The following THSD7B variants were observed in gnomAD, a reference collection of about 807,000 sequenced individuals.
The protein encoded by THSD7B is thrombospondin type-1 domain-containing protein 7B.
In THSD7B, 138 loss-of-function variants were observed where a neutral mutation model predicts 213.6. The ratio of observed to expected loss-of-function variants is 0.65; its 90% confidence interval spans 0.56 to 0.74. The LOEUF is 0.74. Among genes scored for constraint, THSD7B ranks in the 30% least tolerant of loss-of-function variants. THSD7B has a pLI of 0.00. For missense variants in THSD7B, 1,931 were observed against 1,991.5 expected (o/e 0.97, Z 0.58); for synonymous variants, 742 against 687.0 (o/e 1.08, Z -1.25).
At position 137,674,881 on chromosome 2, in the gene THSD7B, T is replaced by TTTAA. The variant is rs569186178; in HGVS notation, c.4740-1640_4740-1637dup. ...TTTTAGGGTTTCTGCCAAAACCATT[T>TTTAA]TTAATTTATTTCTTTAACTTGTATG... is the stretch of plus-strand genomic sequence containing the variant. On this transcript the variant is annotated intron_variant, in intron 27 of 27. Transcript: ENST00000409968. Among the ~76,000 whole-genome samples the TTTAA allele has an allele frequency of 4.7e-4, 71 of 152,324 alleles. 1 individual carries two copies. In the South Asian group the frequency reaches 0.013, roughly 28 times the overall value.
chr2:137,637,661 AT>A (rs138731209), intron 20 of THSD7B, among the ~76,000 whole-genome samples: 5,288 of 152,172 alleles, frequency 0.035, 301 homozygotes, highest in African/African-American at 0.12. Context: ...TAATAGCATC[AT>A]TTTTTTCTTT....
chr2:137,223,088 T>C (rs2196347), intron 7 of THSD7B, among the ~76,000 whole-genome samples: 90,783 of 152,016 alleles, frequency 0.6, 27,537 homozygotes, highest in South Asian at 0.71. Flanking sequence ...AACCAGGTCT[T>C]CCCAGGCCTG....
In THSD7B at chr2:137,452,086, AT is replaced by A. The variant is rs1014197853; in HGVS notation, c.3138+1070del. 3.6e-5 allele frequency: 33 copies of A among 929,202 alleles called. No homozygotes were observed. In the Admixed American group the frequency reaches 1.1e-3, roughly 31 times the overall value. The allele number at this position is 929,202 out of a possible 1,614,324, so 57.6% of individuals were successfully genotyped here. On this transcript the variant is annotated intron_variant, in intron 15 of 27. Transcript: ENST00000409968. ...CAATTCAAGACCAATCTCTTTAGCT[AT>A]TTTTTTCTAAGTTTTTATAAAAGAC...
chr2:137,007,328 C>T (rs1013623254), intron 2 of THSD7B, among the ~76,000 whole-genome samples: 2 of 152,074 alleles, frequency 1.3e-5, no homozygotes, highest in Non-Finnish European at 1.5e-5. Context: ...CCTAAATATA[C>T]ACTAATTATC....
At chr2:137,665,846 G>GA (rs1318550644) in intron 26 of THSD7B, among the ~76,000 whole-genome samples, 8 of 152,094 alleles carry the variant, frequency 5.3e-5, no homozygotes, top group Admixed American at 5.2e-4. Flanking sequence ...GAACTAATAT[G>GA]AAAATATTTC....
intron 15 of THSD7B, among the ~76,000 whole-genome samples, chr2:137,483,330 C>T (rs1290234149): frequency 6.6e-6 from 1 of 152,196 alleles, no homozygotes; most frequent in Non-Finnish European, 1.5e-5. Flanking sequence ...CTGAAAGTTA[C>T]ATAACTAATA....
intron 6 of THSD7B, among the ~76,000 whole-genome samples, chr2:137,170,388 A>T (rs1414181000): frequency 6.6e-6 from 1 of 152,190 alleles, no homozygotes; most frequent in African/African-American, 2.4e-5. Context: ...AACAGCAAAA[A>T]GAAAATGTGG....
chr2:136,886,312 A>T (rs577072665), intron 2 of THSD7B, among the ~76,000 whole-genome samples: 1 of 152,234 alleles, frequency 6.6e-6, no homozygotes, highest in South Asian at 2.1e-4. Flanking sequence ...TTTGAAGAGG[A>T]TCCTTGTGGG....
In THSD7B at chr2:137,346,085, T is replaced by C. The variant is rs899320868; in HGVS notation, c.2501-59528T>C. Among the ~76,000 whole-genome samples, 17 of 151,658 alleles carry C rather than the reference T, an allele frequency of 1.1e-4. No individual in the cohort carries two copies. In the South Asian group the frequency reaches 1.5e-3, roughly 13 times the overall value. ...CCTCTTTACTTTTGTTTCGAGAGCA[T>C]TTTTCTAGTGGTAAAAAGCACTTAA... On this transcript the variant is annotated intron_variant, in intron 12 of 27. Transcript: ENST00000409968.
At chr2:137,190,681 G>T (rs976718956) in intron 7 of THSD7B, among the ~76,000 whole-genome samples, 1 of 152,058 alleles carries the variant, frequency 6.6e-6, no homozygotes, top group African/African-American at 2.4e-5. Context: ...GAATCCCCTG[G>T]GGCTGGTTAA....
intron 2 of THSD7B, among the ~76,000 whole-genome samples, chr2:137,027,732 A>G (rs1318603669): frequency 6.6e-6 from 1 of 152,194 alleles, no homozygotes; most frequent in African/African-American, 2.4e-5. Flanking sequence ...TCACTGGTAT[A>G]TTCTCAGGGC....
chr2:137,135,405 T>A (rs185344257), intron 5 of THSD7B, among the ~76,000 whole-genome samples: 1 of 152,328 alleles, frequency 6.6e-6, no homozygotes, highest in East Asian at 1.9e-4. Flanking sequence ...CCTTAAAACA[T>A]GTACTCATTG....
At position 137,659,540 on chromosome 2, in the gene THSD7B, T is replaced by C. The variant is rs376344822; in HGVS notation, c.4376-124T>C. 8.3e-5 allele frequency: 68 copies of C among 824,090 alleles called. No individual in the cohort carries two copies. The African/African-American group carries it at 1.1e-3, about 14-fold the overall frequency. The allele number at this position is 824,090 out of a possible 1,614,324, so 51.0% of individuals were successfully genotyped here. On this transcript the variant is annotated intron_variant, in intron 24 of 27. Transcript: ENST00000409968. Reference sequence around the variant, plus strand: ...AGGCTTGGACCACAATGTTGGCAAATAGATTTTTCAAAAATAATAATACTG... The same window carrying C: ...AGGCTTGGACCACAATGTTGGCAAACAGATTTTTCAAAAATAATAATACTG...
intron 5 of THSD7B, among the ~76,000 whole-genome samples, chr2:137,137,635 C>G (rs1037997642): frequency 4.6e-5 from 7 of 152,090 alleles, no homozygotes; most frequent in Non-Finnish European, 7.4e-5. Context: ...ACTAATTCCT[C>G]TAAGTTTGTG....
At chr2:137,356,615 G>A (rs983649301) in intron 12 of THSD7B, among the ~76,000 whole-genome samples, 3 of 152,164 alleles carry the variant, frequency 2.0e-5, no homozygotes, top group Admixed American at 1.3e-4. Flanking sequence ...CCTAGATGTG[G>A]TGAAGTCTTG....
At chr2:137,033,574 T>C (rs182988050) in intron 2 of THSD7B, among the ~76,000 whole-genome samples, 9 of 152,184 alleles carry the variant, frequency 5.9e-5, no homozygotes, top group Admixed American at 4.6e-4. Context: ...GGTTGACTAC[T>C]TGGAGTTTTT....
intron 17 of THSD7B, among the ~76,000 whole-genome samples, chr2:137,580,811 G>A (rs1482201576): frequency 1.3e-5 from 2 of 152,142 alleles, no homozygotes; most frequent in African/African-American, 4.8e-5. Context: ...CAAGAGAGAA[G>A]GGGAATATTG....
intron 17 of THSD7B, among the ~76,000 whole-genome samples, chr2:137,615,023 G>A (rs941637484): frequency 1.3e-5 from 2 of 152,146 alleles, no homozygotes; most frequent in African/African-American, 4.8e-5. Flanking sequence ...GAATCTATGG[G>A]CCTCGTTAGA....
intron 15 of THSD7B, among the ~76,000 whole-genome samples, chr2:137,490,280 C>A (rs539842741): frequency 5.9e-5 from 9 of 151,920 alleles, no homozygotes; most frequent in African/African-American, 2.2e-4. Flanking sequence ...GGTGTAGAAT[C>A]CAAAGTGAAA....
Sources: allele counts gnomAD v4.1 joint callset (sites outside exome capture counted in the v4.1 genomes callset), GRCh38; gene constraint gnomAD v4.1.1; transcripts MANE v1.5; gene names NCBI Gene and HGNC (gene_info 2026-07-23, HGNC 2026-07-21).